CPQ: variants seen among roughly 807,000 people sequenced by gnomAD.
The protein encoded by CPQ is Ser-Met dipeptidase.
A neutral mutation model predicts 45.7 loss-of-function variants in CPQ; 37 were observed. That is an observed-to-expected ratio of 0.81 (90% CI 0.62 to 1.07). The LOEUF is 1.07. CPQ is among the 50% of genes least tolerant of loss of function. The pLI, the probability that CPQ is intolerant of heterozygous loss-of-function variation, is 0.00. For synonymous variants in CPQ, 186 were observed against 205.8 expected, an observed-to-expected ratio of 0.90 and a Z score of 0.82; for missense variants, 537 against 572.9, an observed-to-expected ratio of 0.94 and a Z score of 0.64.
At chr8:97,103,160 T>C (rs896321980) in intron 7 of CPQ, among the ~76,000 whole-genome samples, 1 of 152,182 alleles carries the variant, frequency 6.6e-6, no homozygotes, top group African/African-American at 2.4e-5. Flanking sequence ...CTTAAAATCC[T>C]TAATTTAAGC....
At chr8:96,676,146 T>C (rs908392491) in intron 1 of CPQ, among the ~76,000 whole-genome samples, 4 of 152,050 alleles carry the variant, frequency 2.6e-5, no homozygotes, top group African/African-American at 9.7e-5. Flanking sequence ...TCAATTCTTT[T>C]AGCAATTTTG....
At chr8:96,742,680 A>G (rs1810110111) in intron 1 of CPQ, among the ~76,000 whole-genome samples, 1 of 151,978 alleles carries the variant, frequency 6.6e-6, no homozygotes, top group Non-Finnish European at 1.5e-5. Flanking sequence ...GGTGGTGACA[A>G]AATCTCTCAG....
In CPQ at chr8:96,782,565, C is replaced by G. The variant is rs143672460; in HGVS notation, c.-34-2299C>G. Among the ~76,000 whole-genome samples the G allele has an allele frequency of 2.3e-3, 349 of 152,224 alleles. 4 individuals carry two copies. The highest frequency in any genetic ancestry group is 8.2e-3 in the African/African-American group (341 of 41,550). On this transcript the variant is annotated intron_variant, in intron 1 of 7. Transcript: ENST00000220763. ...TTGTCTTGATGAATAGCACCTGGCT[C>G]TTTACTAGCCATACAAACCTTTCTA... is the stretch of plus-strand genomic sequence containing the variant.
At chr8:96,736,269 T>C (rs778806115) in intron 1 of CPQ, among the ~76,000 whole-genome samples, 3 of 152,186 alleles carry the variant, frequency 2.0e-5, no homozygotes, top group Non-Finnish European at 4.4e-5. Flanking sequence ...TGAGGTTCTA[T>C]GGTCAGATGC....
intron 5 of CPQ, among the ~76,000 whole-genome samples, chr8:96,976,504 A>G (rs1327576896): frequency 6.6e-6 from 1 of 152,042 alleles, no homozygotes; most frequent in Non-Finnish European, 1.5e-5. Context: ...AAACATCCTA[A>G]AATTAATATG....
intron 1 of CPQ, among the ~76,000 whole-genome samples, chr8:96,781,983 G>A (rs62507333): frequency 6.6e-6 from 1 of 152,188 alleles, no homozygotes; most frequent in Non-Finnish European, 1.5e-5. Flanking sequence ...CACTGGGGAA[G>A]GGGTTGAGCC....
chr8:96,960,226 T>TATGCAATA (rs532728385), intron 4 of CPQ, among the ~76,000 whole-genome samples: 46 of 152,314 alleles, frequency 3.0e-4, no homozygotes, highest in African/African-American at 1.1e-3. Flanking sequence ...TGCTTCTGGA[T>TATGCAATA]TCAATTATTG....
intron 2 of CPQ, among the ~76,000 whole-genome samples, chr8:96,811,281 T>G (rs1482202209): frequency 6.6e-6 from 1 of 152,154 alleles, no homozygotes; most frequent in Non-Finnish European, 1.5e-5. Flanking sequence ...TTATCTTGAT[T>G]ATAGAAGAAT....
intron 1 of CPQ, among the ~76,000 whole-genome samples, chr8:96,711,950 G>A (rs1206754813): frequency 6.6e-6 from 1 of 152,068 alleles, no homozygotes; most frequent in Non-Finnish European, 1.5e-5. Context: ...CTGCCTATTA[G>A]CCTGTAAAAT....
At chr8:97,139,929 T>C (rs1018425149) in intron 7 of CPQ, among the ~76,000 whole-genome samples, 28 of 151,752 alleles carry the variant, frequency 1.8e-4, no homozygotes, top group African/African-American at 6.8e-4. Flanking sequence ...TACTAAATAA[T>C]AGAAAGTATC....
At chr8:97,016,954 T>C (rs770344558) in intron 5 of CPQ, among the ~76,000 whole-genome samples, 6 of 151,698 alleles carry the variant, frequency 4.0e-5, no homozygotes, top group Admixed American at 6.6e-5. Flanking sequence ...GAGACTTGCA[T>C]TGTGAACTTT....
intron 4 of CPQ, among the ~76,000 whole-genome samples, chr8:96,941,296 T>C (rs913630105): frequency 2.0e-5 from 3 of 152,172 alleles, no homozygotes; most frequent in African/African-American, 7.2e-5. Flanking sequence ...GAACTTGTGC[T>C]GGCCTTGCAC....
At chr8:96,693,022 G>T (rs1809323954) in intron 1 of CPQ, among the ~76,000 whole-genome samples, 1 of 151,988 alleles carries the variant, frequency 6.6e-6, no homozygotes, top group African/African-American at 2.4e-5. Flanking sequence ...CAGAAATTCT[G>T]GAGTCCAAAA....
chr8:96,832,042 A>G (rs1327981682), intron 2 of CPQ, among the ~76,000 whole-genome samples: 1 of 152,100 alleles, frequency 6.6e-6, no homozygotes, highest in East Asian at 1.9e-4. Flanking sequence ...GTTATTTTAT[A>G]TGTTTCTGAC....
intron 7 of CPQ, among the ~76,000 whole-genome samples, chr8:97,072,214 G>C (rs1304832944): frequency 3.3e-5 from 5 of 152,114 alleles, no homozygotes; most frequent in Non-Finnish European, 7.4e-5. Flanking sequence ...ACAACTTCTT[G>C]AGAAGCTGTT....
In CPQ at chr8:97,015,903, CA is replaced by C. The variant is rs1309233984; in HGVS notation, c.962-13499del. Among the ~76,000 whole-genome samples, 24 of 152,028 alleles carry C rather than the reference CA, an allele frequency of 1.6e-4. No homozygotes were observed. The East Asian group carries it at 4.2e-3, about 27-fold the overall frequency. ...GTAGAAAACTACTATTGTTTACATA[CA>C]TTTATAATTTTTGTACGTACATATT... On this transcript the variant is annotated intron_variant, in intron 5 of 7. Coordinates refer to ENST00000220763, the MANE Select transcript of CPQ (RefSeq NM_016134.4).
At chr8:97,119,328 C>CAAAAAA (rs34998181) in intron 7 of CPQ, among the ~76,000 whole-genome samples, 4 of 72,308 alleles carry the variant, frequency 5.5e-5, no homozygotes, top group African/African-American at 9.5e-5. Flanking sequence ...GACTCCATCT[C>CAAAAAA]AAAAAAAAAA....
At chr8:96,758,562 C>T (rs767523257) in intron 1 of CPQ, among the ~76,000 whole-genome samples, 2 of 152,050 alleles carry the variant, frequency 1.3e-5, no homozygotes, top group Non-Finnish European at 2.9e-5. Context: ...TGTACATATG[C>T]GTGCATGATT....
intron 1 of CPQ, among the ~76,000 whole-genome samples, chr8:96,740,570 G>T (rs1187556322): frequency 1.6e-4 from 25 of 151,720 alleles, no homozygotes; most frequent in African/African-American, 5.1e-4. Context: ...TCCAGTTTTT[G>T]CCCATTCAGT....
Sources: allele counts gnomAD v4.1 joint callset (sites outside exome capture counted in the v4.1 genomes callset), GRCh38; gene constraint gnomAD v4.1.1; transcripts MANE v1.5; gene names NCBI Gene and HGNC (gene_info 2026-07-23, HGNC 2026-07-21).